CHD6: variants seen among roughly 807,000 people sequenced by gnomAD.
The protein encoded by CHD6 is chromodomain helicase DNA binding protein 6, also known as ATP-dependent chromatin remodeler CHD6.
A neutral mutation model predicts 276.9 loss-of-function variants in CHD6; 50 were observed. The observed-to-expected ratio is 0.18, with a 90% confidence interval of 0.14 to 0.23. CHD6 has a LOEUF of 0.23. CHD6 is among the 10% of genes least tolerant of loss of function. CHD6 has a pLI of 1.00. For missense variants in CHD6, 2,564 were observed against 3,365.8 expected (o/e 0.76, Z 5.89); for synonymous variants, 1,173 against 1,229.3 (o/e 0.95, Z 0.96).
At chr20:41,410,271 G>A (rs2046804513) in intron 36 of CHD6, among the ~76,000 whole-genome samples, 1 of 152,192 alleles carries the variant, frequency 6.6e-6, no homozygotes, top group Non-Finnish European at 1.5e-5. Context: ...AATGGAATTA[G>A]TGACCTTATG....
At chr20:41,584,075 T>G (rs1053934469) in intron 1 of CHD6, among the ~76,000 whole-genome samples, 2 of 152,138 alleles carry the variant, frequency 1.3e-5, no homozygotes, top group African/African-American at 4.8e-5. Flanking sequence ...AGGCTGAGAT[T>G]ATCACAATAC....
At chr20:41,512,714 A>C (rs1456338297) in intron 5 of CHD6, 132 bp downstream of exon 5, 1 of 965,206 alleles carries the variant, frequency 1.0e-6, no homozygotes, top group African/African-American at 1.6e-5. Context: ...TGCAACAGGA[A>C]GTCAATCGAA....
chr20:41,558,831 A>G (rs2045268936), intron 1 of CHD6, among the ~76,000 whole-genome samples: 1 of 152,034 alleles, frequency 6.6e-6, no homozygotes, highest in African/African-American at 2.4e-5. Flanking sequence ...CAGCCTACAG[A>G]AAACAGCACC....
chr20:41,525,111 T>C (rs750581720), intron 3 of CHD6, among the ~76,000 whole-genome samples: 24 of 152,154 alleles, frequency 1.6e-4, no homozygotes, highest in Non-Finnish European at 3.5e-4. Context: ...GCCTCGCCCC[T>C]GAATAGGAAG....
intron 1 of CHD6, among the ~76,000 whole-genome samples, chr20:41,552,402 A>T (rs893012172): frequency 1.3e-5 from 2 of 152,244 alleles, no homozygotes; most frequent in Non-Finnish European, 2.9e-5. Flanking sequence ...TTTTAAGATT[A>T]GAGCTTTAAG....
chr20:41,491,348 TTTG>T (rs1440911597), intron 11 of CHD6, among the ~76,000 whole-genome samples: 1 of 149,174 alleles, frequency 6.7e-6, no homozygotes, highest in African/African-American at 2.4e-5. Context: ...ATTTTTTGGT[TTTG>T]TTTTGTTTTG....
chr20:41,480,180 G>A (rs927550015), intron 16 of CHD6, among the ~76,000 whole-genome samples: 5 of 151,874 alleles, frequency 3.3e-5, no homozygotes. Flanking sequence ...GATTTAAGAG[G>A]AAAAAAAAGA....
intron 16 of CHD6, among the ~76,000 whole-genome samples, chr20:41,475,585 A>G (rs1275354884): frequency 6.6e-6 from 1 of 152,236 alleles, no homozygotes; most frequent in African/African-American, 2.4e-5. Flanking sequence ...AAGTTTAGCC[A>G]TGTATGTGAT....
chr20:41,615,756 A>G (rs549111191), intron 1 of CHD6, among the ~76,000 whole-genome samples: 1 of 152,230 alleles, frequency 6.6e-6, no homozygotes, highest in Non-Finnish European at 1.5e-5. Flanking sequence ...GTAATTACCA[A>G]TTAAAGTCTT....
intron 2 of CHD6, among the ~76,000 whole-genome samples, chr20:41,546,953 C>T (rs775993350): frequency 1.8e-4 from 28 of 152,094 alleles, no homozygotes; most frequent in Non-Finnish European, 3.5e-4. Flanking sequence ...ATAAGAAGCA[C>T]GATTATTTAT....
At chr20:41,613,090 T>G (rs1243783791) in intron 1 of CHD6, among the ~76,000 whole-genome samples, 1 of 152,144 alleles carries the variant, frequency 6.6e-6, no homozygotes, top group African/African-American at 2.4e-5. Flanking sequence ...ATATGTATGT[T>G]CTCTGTAAAA....
In CHD6 at chr20:41,440,027, G is replaced by A; in HGVS notation, c.3980C>T (p.Thr1327Ile). ...TTCAGGAATGTCTGAGGTCCCATCT[G>A]TAACACCCTGTTCTGCAGAAAGGGA... ...EKSLSAEQGV[T>I]DGTSDIPERG... Residue 1327 changes from threonine (T) to isoleucine (I), a missense_variant, in exon 26 of 37, where the codon ACA (threonine) becomes ATA (isoleucine). This residue lies in a region of CHD6 where 515 missense variants were observed against 739.5 expected (regional missense o/e 0.70). Coordinates refer to ENST00000373233, the MANE Select transcript of CHD6 (RefSeq NM_032221.5). The A allele has an allele frequency of 6.2e-7, 1 of 1,614,066 alleles. No homozygotes were observed. Among genetic ancestry groups the A allele is most frequent in the Non-Finnish European group, 8.5e-7 (1 of 1,179,958 alleles).
At chr20:41,466,087 A>C (rs1253264391) in intron 17 of CHD6, among the ~76,000 whole-genome samples, 3 of 152,168 alleles carry the variant, frequency 2.0e-5, no homozygotes, top group Non-Finnish European at 2.9e-5. Context: ...CTGTAATTCC[A>C]ACTACTTCGG....
intron 17 of CHD6, among the ~76,000 whole-genome samples, chr20:41,459,184 GC>G (rs1465808558): frequency 6.6e-6 from 1 of 152,096 alleles, no homozygotes; most frequent in Non-Finnish European, 1.5e-5. Flanking sequence ...CCCATGCCCT[GC>G]CCACATTCTT....
chr20:41,536,919 A>C (rs1167184470), intron 2 of CHD6, among the ~76,000 whole-genome samples: 1 of 152,138 alleles, frequency 6.6e-6, no homozygotes, highest in Non-Finnish European at 1.5e-5. Context: ...GCCATTTACA[A>C]GTTTCTTTAA....
At position 41,412,169 on chromosome 20, in the gene CHD6, G is replaced by A. The variant is rs1600793559; in HGVS notation, c.7226C>T (p.Ala2409Val). The stretch of plus-strand genomic sequence containing the variant: ...CCTCAGTCCTGGCTCCTTGGGGATG[G>A]CAGGAACTCTCTCTTCCCCGCTCAG... ...SSLSGEERVP[A>V]IPKEPGLRGF... Residue 2409 changes from alanine to valine, a missense_variant, in exon 36 of 37, where the codon GCC (alanine) becomes GTC (valine). This residue lies in a region of CHD6 where 1,024 missense variants were observed against 1,047.9 expected (regional missense o/e 0.98). Coordinates refer to ENST00000373233, the MANE Select transcript of CHD6 (RefSeq NM_032221.5). The A allele has an allele frequency of 6.2e-7, 1 of 1,614,180 alleles. No homozygotes were observed. Among genetic ancestry groups the A allele is most frequent in the East Asian group, 2.2e-5 (1 of 44,890 alleles).
chr20:41,402,517 C>G lies in CHD6; in HGVS notation c.*2076G>C, dbSNP rs1311972495. 4.3e-6 allele frequency: 1 copy of G among 230,862 alleles called. No homozygotes were observed. The highest frequency in any genetic ancestry group is 1.8e-4 in the South Asian group (1 of 5,520). 14.3% of individuals were successfully genotyped at this position (230,862 alleles called of 1,614,324 possible). A position where few individuals can be genotyped will look rare whatever the true frequency, so the allele number is the denominator to read the frequency against. On this transcript the variant is annotated 3_prime_UTR_variant, in exon 37 of 37. Coordinates refer to ENST00000373233, the MANE Select transcript of CHD6 (RefSeq NM_032221.5). ...GCAGCTTTTCCATACAAAACAACAA[C>G]AACACAACGACAACAAAGAAAACCA...
At chr20:41,483,729 T>C (rs1046489235) in intron 15 of CHD6, among the ~76,000 whole-genome samples, 17 of 152,140 alleles carry the variant, frequency 1.1e-4, no homozygotes, top group African/African-American at 2.4e-5. Context: ...TCCACTCTCC[T>C]GGGAAGTCTC....
chr20:41,466,522 T>G (rs920540714), intron 17 of CHD6, among the ~76,000 whole-genome samples: 1 of 152,200 alleles, frequency 6.6e-6, no homozygotes, highest in African/African-American at 2.4e-5. Context: ...TCTTTAGCGG[T>G]AGCAAATCTC....
Sources: gnomAD v4.1 joint callset for allele counts (sites outside exome capture counted in the v4.1 genomes callset) on GRCh38, gnomAD v4.1.1 for gene constraint, gnomAD v4.1.1 regional missense constraint, MANE v1.5 for transcripts, NCBI Gene and HGNC (gene_info 2026-07-23, HGNC 2026-07-21) for gene names.